The following LRRC4C variants were observed in gnomAD, a reference collection of about 807,000 sequenced individuals.
LRRC4C encodes leucine-rich repeat-containing protein 4C.
LRRC4C carries 5 observed loss-of-function variants against 33.6 expected under a neutral mutation model. The observed-to-expected ratio is 0.15, with a 90% CI of 0.08 to 0.31. The LOEUF is 0.31. LRRC4C is among the 10% of genes least tolerant of loss of function. The pLI, the probability that LRRC4C is intolerant of heterozygous loss-of-function variation, is 1.00. For synonymous variants in LRRC4C, 329 were observed against 302.0 expected (o/e 1.09, Z -0.93); for missense variants, 560 against 796.7 (o/e 0.70, Z 3.58).
intron 4 of LRRC4C, among the ~76,000 whole-genome samples, chr11:40,300,076 T>C (rs1360129323): frequency 6.6e-6 from 1 of 152,038 alleles, no homozygotes; most frequent in Non-Finnish European, 1.5e-5. Context: ...TGGAAGGCAA[T>C]GTGCGAGCAT....
intron 2 of LRRC4C, among the ~76,000 whole-genome samples, chr11:40,836,030 C>T (rs1420115106): frequency 6.6e-6 from 1 of 152,080 alleles, no homozygotes; most frequent in African/African-American, 2.4e-5. Flanking sequence ...AACTTAATTC[C>T]AGTCACTGTA....
chr11:41,120,268 C>T (rs993963631), intron 1 of LRRC4C, among the ~76,000 whole-genome samples: 1 of 152,100 alleles, frequency 6.6e-6, no homozygotes, highest in Admixed American at 6.6e-5. Context: ...TTCATTCATC[C>T]AACCTGCCAA....
intron 1 of LRRC4C, among the ~76,000 whole-genome samples, chr11:41,357,601 T>C: frequency 6.6e-6 from 1 of 152,090 alleles, no homozygotes; most frequent in East Asian, 1.9e-4. Context: ...AACGTCCTTG[T>C]TCTGGTGTTC....
At chr11:41,230,423 G>A (rs1947734225) in intron 1 of LRRC4C, among the ~76,000 whole-genome samples, 1 of 152,020 alleles carries the variant, frequency 6.6e-6, no homozygotes, top group African/African-American at 2.4e-5. Flanking sequence ...CTTCAGTGGA[G>A]AGGCAAATCC....
intron 1 of LRRC4C, among the ~76,000 whole-genome samples, chr11:41,443,405 G>C (rs1955717057): frequency 6.6e-6 from 1 of 151,974 alleles, no homozygotes; most frequent in African/African-American, 2.4e-5. Context: ...GCTACTTGGG[G>C]AGATGAGGCA....
chr11:41,214,150 A>C (rs1946935117), intron 1 of LRRC4C, among the ~76,000 whole-genome samples: 1 of 152,158 alleles, frequency 6.6e-6, no homozygotes. Flanking sequence ...TCAGAAAAAT[A>C]TGGACAGCCA....
intron 1 of LRRC4C, among the ~76,000 whole-genome samples, chr11:41,079,978 T>A (rs1949645520): frequency 6.6e-6 from 1 of 152,188 alleles, no homozygotes; most frequent in South Asian, 2.1e-4. Flanking sequence ...TTTCAAGGTA[T>A]TAACCTGTTT....
intron 5 of LRRC4C, among the ~76,000 whole-genome samples, chr11:40,208,053 C>T (rs1236898449): frequency 6.6e-6 from 1 of 152,156 alleles, no homozygotes; most frequent in Non-Finnish European, 1.5e-5. Flanking sequence ...CATGTTCTGC[C>T]TTCAGAAGCT....
At chr11:41,367,046 A>G (rs1040311736) in intron 1 of LRRC4C, among the ~76,000 whole-genome samples, 2 of 152,220 alleles carry the variant, frequency 1.3e-5, no homozygotes, top group Non-Finnish European at 2.9e-5. Flanking sequence ...GTTTCTAATG[A>G]TAGCCTATGT....
intron 3 of LRRC4C, among the ~76,000 whole-genome samples, chr11:40,575,653 C>T (rs779073489): frequency 1.2e-4 from 18 of 152,220 alleles, no homozygotes; most frequent in Non-Finnish European, 2.5e-4. Context: ...TGGGGTTCTA[C>T]TTATAAAATG....
At chr11:40,181,119 C>T (rs10501221) in intron 5 of LRRC4C, among the ~76,000 whole-genome samples, 26,592 of 152,132 alleles carry the variant, frequency 0.17, 3,045 homozygotes, top group Middle Eastern at 0.3. Flanking sequence ...CAAACTAAGA[C>T]GCTTCATTCC....
chr11:40,873,228 A>G lies in LRRC4C; in HGVS notation c.-407+60407T>C, dbSNP rs1403365510. Among the ~76,000 whole-genome samples, 3 of 152,182 alleles carry G rather than the reference A, an allele frequency of 2.0e-5. 1 individual carries two copies. The highest frequency in any genetic ancestry group is 4.4e-5 in the Non-Finnish European group (3 of 68,022). On this transcript the variant is annotated intron_variant, in intron 2 of 6. Transcript: ENST00000528697. ...ATAATAAAAATAATAACAACAATGA[A>G]GTACCATAATCTGATGTTGTACTAA...
At chr11:41,122,288 A>G (rs1477519409) in intron 1 of LRRC4C, among the ~76,000 whole-genome samples, 9 of 152,120 alleles carry the variant, frequency 5.9e-5, no homozygotes, top group Admixed American at 2.6e-4. Flanking sequence ...CCAGATTCAG[A>G]TAGTTCTGTC....
intron 3 of LRRC4C, among the ~76,000 whole-genome samples, chr11:40,518,835 G>A: frequency 6.6e-6 from 1 of 152,100 alleles, no homozygotes; most frequent in Non-Finnish European, 1.5e-5. Context: ...CAAAGACTTG[G>A]AGCCAACCCA....
At chr11:41,393,966 G>A (rs1332883084) in intron 1 of LRRC4C, among the ~76,000 whole-genome samples, 1 of 151,786 alleles carries the variant, frequency 6.6e-6, no homozygotes, top group Non-Finnish European at 1.5e-5. Flanking sequence ...TTTTTAAGTA[G>A]TTCTTGTAAG....
intron 5 of LRRC4C, among the ~76,000 whole-genome samples, chr11:40,241,105 G>C (rs891727436): frequency 6.6e-6 from 1 of 152,114 alleles, no homozygotes; most frequent in Non-Finnish European, 1.5e-5. Flanking sequence ...AATCGTCTGG[G>C]TAACTTAATT....
chr11:40,606,697 A>G (rs1399402012), intron 3 of LRRC4C, among the ~76,000 whole-genome samples: 1 of 152,134 alleles, frequency 6.6e-6, no homozygotes, highest in Non-Finnish European at 1.5e-5. Flanking sequence ...AAAAAATAAA[A>G]TTTTGGAGGT....
intron 1 of LRRC4C, among the ~76,000 whole-genome samples, chr11:41,240,154 A>T (rs543994261): frequency 6.6e-6 from 1 of 152,372 alleles, no homozygotes; most frequent in South Asian, 2.1e-4. Flanking sequence ...TGGCACAAAC[A>T]AAAAGGGAAA....
intron 2 of LRRC4C, among the ~76,000 whole-genome samples, chr11:40,852,350 T>C (rs757613794): frequency 1.1e-4 from 16 of 152,120 alleles, no homozygotes; most frequent in Non-Finnish European, 2.4e-4. Context: ...CTTGTATACA[T>C]CATTTAATAC....
Sources: gnomAD v4.1 joint callset for allele counts (sites outside exome capture counted in the v4.1 genomes callset) on GRCh38, gnomAD v4.1.1 for gene constraint, MANE v1.5 for transcripts, NCBI Gene and HGNC (gene_info 2026-07-23, HGNC 2026-07-21) for gene names.